EGFR: variants seen among roughly 807,000 people sequenced by gnomAD.
The protein encoded by EGFR is epidermal growth factor receptor.
In EGFR, 58 loss-of-function variants were observed where a neutral mutation model predicts 143.0. The ratio of observed to expected loss-of-function variants is 0.41; its 90% CI spans 0.33 to 0.50. EGFR has a LOEUF of 0.50. Among genes scored for constraint, EGFR ranks in the 20% least tolerant of loss-of-function variants. EGFR has a pLI of 0.39. For synonymous variants in EGFR, 613 were observed against 594.4 expected, an observed-to-expected ratio of 1.03 and a Z score of -0.45; for missense variants, 1,307 against 1,579.0, an observed-to-expected ratio of 0.83 and a Z score of 2.92.
chr7:55,177,036 C>A (rs1786629173), intron 19 of EGFR, among the ~76,000 whole-genome samples: 1 of 151,862 alleles, frequency 6.6e-6, no homozygotes, highest in Non-Finnish European at 1.5e-5. Context: ...TCCTCATCCC[C>A]TCTTCCCCCT....
At chr7:55,098,953 C>T (rs1192936820) in intron 1 of EGFR, among the ~76,000 whole-genome samples, 1 of 152,204 alleles carries the variant, frequency 6.6e-6, no homozygotes, top group Non-Finnish European at 1.5e-5. Flanking sequence ...AGACAGGAGC[C>T]TCAGGTGGCC....
At chr7:55,084,046 G>A (rs114597083) in intron 1 of EGFR, among the ~76,000 whole-genome samples, 2,252 of 152,320 alleles carry the variant, frequency 0.015, 61 homozygotes, top group African/African-American at 0.051. Context: ...AAGAAAGGTG[G>A]TTTAACAAAT....
chr7:55,150,879 A>G (rs758419387), intron 4 of EGFR, among the ~76,000 whole-genome samples: 7 of 152,216 alleles, frequency 4.6e-5, no homozygotes, highest in Non-Finnish European at 8.8e-5. Context: ...AACGGCTGAC[A>G]CATGCAGTCA....
At chr7:55,085,012 T>C (rs939076360) in intron 1 of EGFR, among the ~76,000 whole-genome samples, 10 of 152,180 alleles carry the variant, frequency 6.6e-5, no homozygotes, top group Admixed American at 5.9e-4. Flanking sequence ...TTCTCTGGAA[T>C]GACCTACGGA....
At chr7:55,168,246 G>T (rs1437950531) in intron 15 of EGFR, among the ~76,000 whole-genome samples, 1 of 152,172 alleles carries the variant, frequency 6.6e-6, no homozygotes, top group African/African-American at 2.4e-5. Flanking sequence ...TATATTATCT[G>T]TATAGAATAA....
chr7:55,128,013 G>A (rs570594467), intron 1 of EGFR, among the ~76,000 whole-genome samples: 1 of 152,320 alleles, frequency 6.6e-6, no homozygotes, highest in East Asian at 1.9e-4. Flanking sequence ...GTTGGCACAG[G>A]AACCAAAACA....
intron 1 of EGFR, among the ~76,000 whole-genome samples, chr7:55,092,168 G>C (rs1454743592): frequency 1.3e-5 from 2 of 152,116 alleles, no homozygotes; most frequent in African/African-American, 4.8e-5. Context: ...AGGACAGAAT[G>C]GGGAGGAAAA....
chr7:55,030,717 A>G (rs1787198696), intron 1 of EGFR, among the ~76,000 whole-genome samples: 1 of 152,246 alleles, frequency 6.6e-6, no homozygotes. Flanking sequence ...TAGGGTGTGA[A>G]ACAGCTTTTA....
At chr7:55,147,186 C>T (rs548926640) in intron 4 of EGFR, among the ~76,000 whole-genome samples, 3 of 152,366 alleles carry the variant, frequency 2.0e-5, no homozygotes, top group African/African-American at 7.2e-5. Context: ...GTCACACACA[C>T]AGCTGGGCAC....
chr7:55,133,680 G>A (rs544818529), intron 1 of EGFR, among the ~76,000 whole-genome samples: 1 of 152,278 alleles, frequency 6.6e-6, no homozygotes, highest in Admixed American at 6.5e-5. Flanking sequence ...CTGTGGTGCT[G>A]TCGGCTCCCC....
intron 1 of EGFR, among the ~76,000 whole-genome samples, chr7:55,049,199 C>A (rs908720440): frequency 1.3e-5 from 2 of 152,166 alleles, no homozygotes; most frequent in African/African-American, 4.8e-5. Context: ...ATAATATCAT[C>A]TAGATTGGAC....
chr7:55,161,378 AGCATGTCT>A, intron 12 of EGFR, 113 bp from the exon 13 acceptor site: 1 of 1,352,956 alleles, frequency 7.4e-7, no homozygotes, highest in Non-Finnish European at 9.8e-7. Flanking sequence ...AGGGGTAGCC[AGCATGTCT>A]GTGTCACCCA....
chr7:55,198,341 C>T (rs1403719943), intron 22 of EGFR, among the ~76,000 whole-genome samples: 1 of 152,182 alleles, frequency 6.6e-6, no homozygotes, highest in East Asian at 1.9e-4. Flanking sequence ...ATACAGGTCC[C>T]TCAGAGCAGG....
At chr7:55,032,813 A>G (rs995758588) in intron 1 of EGFR, among the ~76,000 whole-genome samples, 42 of 152,246 alleles carry the variant, frequency 2.8e-4, no homozygotes, top group African/African-American at 9.9e-4. Flanking sequence ...AAAAATGGAG[A>G]AAATGTTCAG....
At chr7:55,093,672 A>G (rs1292692182) in intron 1 of EGFR, among the ~76,000 whole-genome samples, 1 of 152,190 alleles carries the variant, frequency 6.6e-6, no homozygotes, top group Non-Finnish European at 1.5e-5. Flanking sequence ...TTGAGGTGAA[A>G]ACTGCACTTA....
At chr7:55,101,348 GC>G (rs1280499597) in intron 1 of EGFR, among the ~76,000 whole-genome samples, 1 of 152,252 alleles carries the variant, frequency 6.6e-6, no homozygotes, top group African/African-American at 2.4e-5. Context: ...ACACAGTTCT[GC>G]TCCAGCATTT....
At chr7:55,137,274 T>C (rs1794196533) in intron 1 of EGFR, among the ~76,000 whole-genome samples, 1 of 152,184 alleles carries the variant, frequency 6.6e-6, no homozygotes, top group African/African-American at 2.4e-5. Flanking sequence ...GCCCAGCTCA[T>C]ACCTCAGCAG....
At chr7:55,070,518 T>C (rs992572069) in intron 1 of EGFR, among the ~76,000 whole-genome samples, 1 of 152,224 alleles carries the variant, frequency 6.6e-6, no homozygotes, top group Non-Finnish European at 1.5e-5. Context: ...CATAGATACA[T>C]ACAAACATGC....
intron 2 of EGFR, among the ~76,000 whole-genome samples, chr7:55,142,930 C>T (rs1323311647): frequency 6.6e-6 from 1 of 152,118 alleles, no homozygotes; most frequent in Non-Finnish European, 1.5e-5. Flanking sequence ...GTTTACTTAG[C>T]CTTCTTCTGT....
Sources: gnomAD v4.1 joint callset for allele counts (sites outside exome capture counted in the v4.1 genomes callset) on GRCh38, gnomAD v4.1.1 for gene constraint, MANE v1.5 for transcripts, NCBI Gene and HGNC (gene_info 2026-07-23, HGNC 2026-07-21) for gene names.